AKAP6: variants seen among roughly 807,000 people sequenced by gnomAD.
The protein encoded by AKAP6 is A-kinase anchor protein 6.
AKAP6 carries 58 observed loss-of-function variants against 188.5 expected under a neutral mutation model. That is an observed-to-expected ratio of 0.31 (90% confidence interval 0.25 to 0.38). The LOEUF (loss-of-function observed/expected upper bound fraction) is 0.38, where lower values mean the gene tolerates loss of function less well. Ranked by LOEUF, AKAP6 falls within the 10% of genes least tolerant of loss-of-function variation. AKAP6 has a pLI of 1.00. For missense variants in AKAP6, 2,710 were observed against 2,740.0 expected, an observed-to-expected ratio of 0.99 and a Z score of 0.24; for synonymous variants, 989 against 998.6, an observed-to-expected ratio of 0.99 and a Z score of 0.18.
intron 9 of AKAP6, among the ~76,000 whole-genome samples, chr14:32,722,729 C>G (rs2030612908): frequency 6.6e-6 from 1 of 152,144 alleles, no homozygotes; most frequent in South Asian, 2.1e-4. Flanking sequence ...CCATCGCCTT[C>G]CCAGCTCCCC....
chr14:32,332,283 G>A (rs1388640290), intron 1 of AKAP6, among the ~76,000 whole-genome samples: 1 of 152,034 alleles, frequency 6.6e-6, no homozygotes. Flanking sequence ...ATACCATACA[G>A]ATCAGTCATC....
chr14:32,709,807 T>C (rs1375086528), intron 9 of AKAP6, among the ~76,000 whole-genome samples: 2 of 152,090 alleles, frequency 1.3e-5, no homozygotes, highest in African/African-American at 2.4e-5. Flanking sequence ...CTAGCTCTTC[T>C]GTTTTCTGTA....
At chr14:32,529,792 AT>A (rs1882313872) in intron 2 of AKAP6, among the ~76,000 whole-genome samples, 1 of 152,136 alleles carries the variant, frequency 6.6e-6, no homozygotes, top group African/African-American at 2.4e-5. Context: ...GATTTTTTGT[AT>A]AAAGTTGCAA....
chr14:32,522,762 C>G (rs34118557), intron 2 of AKAP6, among the ~76,000 whole-genome samples: 1 of 152,216 alleles, frequency 6.6e-6, no homozygotes, highest in African/African-American at 2.4e-5. Context: ...CTAGTTCAAC[C>G]GTTGTGGAAG....
At chr14:32,797,057 G>T (rs1341212614) in intron 12 of AKAP6, among the ~76,000 whole-genome samples, 1 of 152,130 alleles carries the variant, frequency 6.6e-6, no homozygotes, top group Admixed American at 6.5e-5. Context: ...TTAGAGAAAT[G>T]CAAATCAAAA....
intron 2 of AKAP6, among the ~76,000 whole-genome samples, chr14:32,471,182 T>C (rs371991111): frequency 6.6e-6 from 1 of 152,270 alleles, no homozygotes; most frequent in African/African-American, 2.4e-5. Flanking sequence ...GGCAGTTTTG[T>C]ATTTTGGATT....
chr14:32,765,217 G>T (rs2032674494), intron 11 of AKAP6, among the ~76,000 whole-genome samples: 1 of 152,116 alleles, frequency 6.6e-6, no homozygotes, highest in Non-Finnish European at 1.5e-5. Context: ...ACAGGTGTGA[G>T]CCACCGCACC....
intron 1 of AKAP6, among the ~76,000 whole-genome samples, chr14:32,365,010 A>T (rs928266907): frequency 6.6e-6 from 1 of 152,294 alleles, no homozygotes; most frequent in Middle Eastern, 3.4e-3. Context: ...CATAAGAGGA[A>T]GCTGACACTC....
intron 7 of AKAP6, among the ~76,000 whole-genome samples, chr14:32,662,504 C>G (rs1339801613): frequency 6.6e-6 from 1 of 152,054 alleles, no homozygotes; most frequent in African/African-American, 2.4e-5. Context: ...TGATTGTCTC[C>G]TCGTGGTGTG....
At chr14:32,738,875 A>G (rs2300837) in intron 11 of AKAP6, among the ~76,000 whole-genome samples, 27,847 of 152,168 alleles carry the variant, frequency 0.18, 2,790 homozygotes, top group African/African-American at 0.25. Context: ...GACAATATCT[A>G]AATGAATAAG....
intron 12 of AKAP6, among the ~76,000 whole-genome samples, chr14:32,819,255 A>G (rs1330891064): frequency 6.6e-6 from 1 of 152,210 alleles, no homozygotes; most frequent in Non-Finnish European, 1.5e-5. Context: ...AGTAGGCTAT[A>G]CAGATAATCT....
chr14:32,361,371 A>G (rs1887660505), intron 1 of AKAP6, among the ~76,000 whole-genome samples: 1 of 152,136 alleles, frequency 6.6e-6, no homozygotes, highest in Non-Finnish European at 1.5e-5. Flanking sequence ...GTGGGGTTCC[A>G]GGTAGGATGA....
At chr14:32,709,621 A>G (rs1044452668) in intron 9 of AKAP6, among the ~76,000 whole-genome samples, 2 of 152,062 alleles carry the variant, frequency 1.3e-5, no homozygotes, top group Admixed American at 6.6e-5. Context: ...GATTGTTTTT[A>G]TCCATTCCAT....
Position 32,823,544 on chromosome 14 carries a change from A to G in AKAP6, c.5731A>G (p.Asn1911Asp). ...TCCAGAAAGGCAAAAGGGAAAACCGAATGTGACTTCAAAGGTATCAGAAAA... is the reference window on the plus strand; with the variant it reads ...TCCAGAAAGGCAAAAGGGAAAACCGGATGTGACTTCAAAGGTATCAGAAAA... Reference protein sequence around the residue: ...GIPERQKGKPNVTSKVSENLG... With the variant: ...GIPERQKGKPDVTSKVSENLG... Residue 1911 changes from asparagine (N) to aspartate (D), a missense_variant, in exon 13 of 14, where the codon AAT becomes GAT. Asn to Asp is a conservative substitution (Grantham distance 23). Around this residue, in one of 2 missense-constraint regions of AKAP6, gnomAD observed 2,473 missense variants for 2,426.1 expected, o/e 1.02. Coordinates refer to ENST00000280979, the MANE Select transcript of AKAP6 (RefSeq NM_004274.5). The G allele has an allele frequency of 2.5e-6, 4 of 1,613,932 alleles. No homozygotes were observed. The highest frequency in any genetic ancestry group is 3.4e-6 in the Non-Finnish European group (4 of 1,179,896).
At chr14:32,495,491 A>C (rs960041592) in intron 2 of AKAP6, 1 of 152,164 alleles carries the variant, frequency 6.6e-6, no homozygotes, top group African/African-American at 2.4e-5. Flanking sequence ...GAGAATCTCA[A>C]GCCTCTCTCC....
chr14:32,753,236 C>T (rs1457102437), intron 11 of AKAP6, among the ~76,000 whole-genome samples: 13 of 152,092 alleles, frequency 8.5e-5, no homozygotes, highest in Non-Finnish European at 2.9e-5. Context: ...TGATAATAGC[C>T]ATTCTAACAG....
chr14:32,739,817 T>A (rs1381521479), intron 11 of AKAP6, among the ~76,000 whole-genome samples: 1 of 152,156 alleles, frequency 6.6e-6, no homozygotes, highest in Non-Finnish European at 1.5e-5. Context: ...CTATTGTGAA[T>A]AGTGCTGCAA....
At chr14:32,634,985 G>A (rs1021173245) in intron 7 of AKAP6, among the ~76,000 whole-genome samples, 6 of 151,824 alleles carry the variant, frequency 4.0e-5, no homozygotes, top group African/African-American at 1.2e-4. Flanking sequence ...AGATTTTGGT[G>A]TACCCATCAT....
chr14:32,517,662 T>A (rs1417119787), intron 2 of AKAP6, among the ~76,000 whole-genome samples: 1 of 152,208 alleles, frequency 6.6e-6, no homozygotes, highest in Non-Finnish European at 1.5e-5. Context: ...CGTCCACCAT[T>A]GCTGAGGCTT....
Sources: gnomAD v4.1 joint callset for allele counts (sites outside exome capture counted in the v4.1 genomes callset) on GRCh38, gnomAD v4.1.1 for gene constraint, gnomAD v4.1.1 regional missense constraint, MANE v1.5 for transcripts, NCBI Gene and HGNC (gene_info 2026-07-23, HGNC 2026-07-21) for gene names.